WWC2: variants seen among roughly 807,000 people sequenced by gnomAD.
WWC2 encodes the protein WW and C2 domain containing 2, also known as protein WWC2.
WWC2 carries 101 observed loss-of-function variants against 138.5 expected under a neutral mutation model. That is an observed-to-expected ratio of 0.73 (90% CI 0.62 to 0.86). WWC2 has a LOEUF of 0.86. Ranked by LOEUF, WWC2 falls within the 40% of genes least tolerant of loss-of-function variation. The pLI, the probability that WWC2 is intolerant of heterozygous loss-of-function variation, is 0.00. For missense variants in WWC2, 1,420 were observed against 1,419.4 expected, an observed-to-expected ratio of 1.00 and a Z score of -0.01; for synonymous variants, 558 against 538.4, an observed-to-expected ratio of 1.04 and a Z score of -0.50.
intron 1 of WWC2, among the ~76,000 whole-genome samples, chr4:183,156,366 C>G (rs1733805466): frequency 6.8e-6 from 1 of 147,724 alleles, no homozygotes; most frequent in Admixed American, 6.8e-5. Context: ...GACGGAGTCC[C>G]ACTCTGTTGC....
intron 1 of WWC2, among the ~76,000 whole-genome samples, chr4:183,131,247 A>G (rs1181188754): frequency 6.6e-6 from 1 of 151,854 alleles, no homozygotes; most frequent in Non-Finnish European, 1.5e-5. Context: ...GTAAAATATA[A>G]AATTATAATT....
chr4:183,188,969 C>G (rs1020425434), intron 1 of WWC2, among the ~76,000 whole-genome samples: 5 of 151,982 alleles, frequency 3.3e-5, no homozygotes, highest in Non-Finnish European at 5.9e-5. Flanking sequence ...TCCTTCCAAT[C>G]ATTTAAGCTA....
At chr4:183,274,041 G>T (rs1232276479) in intron 16 of WWC2, among the ~76,000 whole-genome samples, 2 of 152,126 alleles carry the variant, frequency 1.3e-5, no homozygotes, top group African/African-American at 4.8e-5. Context: ...AAGTGTGAGG[G>T]TTTATATTTC....
chr4:183,292,328 C>A (rs1016292582), intron 21 of WWC2, among the ~76,000 whole-genome samples: 1 of 150,908 alleles, frequency 6.6e-6, no homozygotes, highest in Non-Finnish European at 1.5e-5. Context: ...AGTGACATAA[C>A]AAGATCCCAT....
intron 1 of WWC2, among the ~76,000 whole-genome samples, chr4:183,161,366 A>G (rs924605574): frequency 6.6e-6 from 1 of 152,242 alleles, no homozygotes; most frequent in Non-Finnish European, 1.5e-5. Context: ...TATTAATGCT[A>G]CAAGTAGAGA....
intron 15 of WWC2, chr4:183,269,508 A>C (rs1176178295): frequency 1.6e-5 from 8 of 493,702 alleles, no homozygotes; most frequent in African/African-American, 1.4e-4. Flanking sequence ...TGCTGTGTAT[A>C]TATTATCTCA....
chr4:183,260,665 G>C (rs532822895), intron 10 of WWC2, among the ~76,000 whole-genome samples: 2 of 152,182 alleles, frequency 1.3e-5, no homozygotes, highest in Non-Finnish European at 2.9e-5. Flanking sequence ...TACCGTCTAG[G>C]TTTGTGTAAG....
intron 21 of WWC2, among the ~76,000 whole-genome samples, chr4:183,311,326 G>T (rs1226830637): frequency 1.1e-4 from 17 of 152,194 alleles, no homozygotes; most frequent in Admixed American, 1.1e-3. Flanking sequence ...AGGAAAGTGA[G>T]TTACAACTAC....
At chr4:183,236,342 A>G (rs1336006073) in intron 4 of WWC2, among the ~76,000 whole-genome samples, 1 of 152,222 alleles carries the variant, frequency 6.6e-6, no homozygotes, top group African/African-American at 2.4e-5. Context: ...GGCGGCCCCC[A>G]GAATCACGGC....
intron 16 of WWC2, among the ~76,000 whole-genome samples, chr4:183,278,051 C>G (rs1222604206): frequency 1.3e-5 from 2 of 151,944 alleles, no homozygotes; most frequent in Non-Finnish European, 2.9e-5. Context: ...GAGTCCTTGC[C>G]CATGCCTATG....
chr4:183,247,627 A>ATC, intron 6 of WWC2, among the ~76,000 whole-genome samples: 1 of 137,174 alleles, frequency 7.3e-6, no homozygotes, highest in African/African-American at 2.8e-5. Flanking sequence ...TATATACTAT[A>ATC]TACTATATAT....
At chr4:183,294,461 C>G (rs1312446144) in intron 21 of WWC2, among the ~76,000 whole-genome samples, 2 of 152,168 alleles carry the variant, frequency 1.3e-5, no homozygotes, top group Non-Finnish European at 2.9e-5. Context: ...ACAGAGCTCT[C>G]TAGAAACAGT....
chr4:183,182,913 A>G (rs1734677698), intron 1 of WWC2, among the ~76,000 whole-genome samples: 1 of 152,218 alleles, frequency 6.6e-6, no homozygotes, highest in Admixed American at 6.5e-5. Flanking sequence ...CCCTTTCATG[A>G]TGTAGTTGAC....
intron 1 of WWC2, among the ~76,000 whole-genome samples, chr4:183,105,658 A>T (rs930936577): frequency 6.6e-6 from 1 of 152,202 alleles, no homozygotes; most frequent in Non-Finnish European, 1.5e-5. Flanking sequence ...TGGGAGGCCA[A>T]GGCGGGTGGA....
chr4:183,268,298 T>C (rs1028352932), intron 14 of WWC2, among the ~76,000 whole-genome samples: 2 of 152,190 alleles, frequency 1.3e-5, no homozygotes, highest in Non-Finnish European at 2.9e-5. Context: ...CAATGTGTGC[T>C]CAGAAGAGTC....
chr4:183,307,259 G>A (rs1467510271), intron 21 of WWC2, among the ~76,000 whole-genome samples: 1 of 152,130 alleles, frequency 6.6e-6, no homozygotes, highest in South Asian at 2.1e-4. Flanking sequence ...GAAATCTTAA[G>A]AAAAATTAAA....
At chr4:183,287,342 C>T (rs1239754250) in intron 20 of WWC2, among the ~76,000 whole-genome samples, 4 of 152,130 alleles carry the variant, frequency 2.6e-5, no homozygotes, top group African/African-American at 9.7e-5. Context: ...TTAAAAGCAC[C>T]TAAATTTTTA....
chr4:183,307,333 C>T (rs901913824), intron 21 of WWC2, among the ~76,000 whole-genome samples: 4 of 152,046 alleles, frequency 2.6e-5, no homozygotes, highest in African/African-American at 9.7e-5. Flanking sequence ...AGGACAGCCA[C>T]TGAGTCTGTC....
intron 1 of WWC2, among the ~76,000 whole-genome samples, chr4:183,155,221 A>AGAGAGTGAGAGAGT (rs61543148): frequency 1.5e-5 from 2 of 135,184 alleles, no homozygotes; most frequent in Admixed American, 7.5e-5. Context: ...AGAGAGAGAG[A>AGAGAGTGAGAGAGT]GAGTTAGTTG....
Sources: gnomAD v4.1 joint callset for allele counts (sites outside exome capture counted in the v4.1 genomes callset) on GRCh38, gnomAD v4.1.1 for gene constraint, MANE v1.5 for transcripts, NCBI Gene and HGNC (gene_info 2026-07-23, HGNC 2026-07-21) for gene names.